The following DPP10 variants were observed in gnomAD, a reference collection of about 807,000 sequenced individuals.
DPP10 encodes dipeptidyl peptidase like 10.
In DPP10, 33 loss-of-function variants were observed where a neutral mutation model predicts 120.9. The ratio of observed to expected loss-of-function variants is 0.27; its 90% CI spans 0.21 to 0.37. DPP10 has a LOEUF of 0.37. Ranked by LOEUF, DPP10 falls within the 10% of genes least tolerant of loss-of-function variation. The pLI, the probability that DPP10 is intolerant of heterozygous loss-of-function variation, is 1.00. For synonymous variants in DPP10, 337 were observed against 326.1 expected (o/e 1.03, Z -0.36); for missense variants, 816 against 942.8 (o/e 0.87, Z 1.76).
intron 1 of DPP10, among the ~76,000 whole-genome samples, chr2:115,053,680 T>C (rs1195316291): frequency 6.6e-6 from 1 of 152,240 alleles, no homozygotes; most frequent in Non-Finnish European, 1.5e-5. Flanking sequence ...TACATACTAA[T>C]ATGGAAAACA....
intron 1 of DPP10, among the ~76,000 whole-genome samples, chr2:114,674,283 C>T (rs1211203111): frequency 1.3e-5 from 2 of 151,730 alleles, no homozygotes; most frequent in African/African-American, 2.4e-5. Flanking sequence ...ATCATTATAA[C>T]GTAAGTATTC....
At chr2:115,519,054 G>A (rs1232289676) in intron 4 of DPP10, among the ~76,000 whole-genome samples, 1 of 152,030 alleles carries the variant, frequency 6.6e-6, no homozygotes, top group Non-Finnish European at 1.5e-5. Context: ...TCTTTCATCA[G>A]CCCATAACTT....
chr2:115,607,778 G>A (rs2083797135), intron 5 of DPP10, among the ~76,000 whole-genome samples: 1 of 151,988 alleles, frequency 6.6e-6, no homozygotes, highest in South Asian at 2.1e-4. Flanking sequence ...TAGTATATGA[G>A]GAAAATTTGG....
chr2:115,079,753 G>A (rs1208367228), intron 1 of DPP10, among the ~76,000 whole-genome samples: 7 of 152,146 alleles, frequency 4.6e-5, no homozygotes, highest in South Asian at 2.1e-4. Flanking sequence ...GTACTAAATC[G>A]CAAAGGCCTC....
At chr2:115,270,111 CACAG>C (rs1225480271) in intron 1 of DPP10, among the ~76,000 whole-genome samples, 22 of 136,850 alleles carry the variant, frequency 1.6e-4, no homozygotes, top group Non-Finnish European at 9.4e-5. Context: ...CACACACACA[CACAG>C]ACACACACAC....
intron 1 of DPP10, among the ~76,000 whole-genome samples, chr2:114,615,521 G>A (rs1374324802): frequency 6.6e-6 from 1 of 152,126 alleles, no homozygotes; most frequent in African/African-American, 2.4e-5. Context: ...AATAGTCAAA[G>A]TATTCAGTGG....
intron 1 of DPP10, among the ~76,000 whole-genome samples, chr2:114,739,337 C>T (rs181105477): frequency 9.9e-5 from 15 of 152,128 alleles, no homozygotes; most frequent in East Asian, 5.8e-4. Context: ...GTATGAATGA[C>T]GACTGAAAGC....
intron 1 of DPP10, among the ~76,000 whole-genome samples, chr2:114,943,393 C>A (rs1225660568): frequency 6.6e-6 from 1 of 152,166 alleles, no homozygotes; most frequent in African/African-American, 2.4e-5. Flanking sequence ...CCTGCATCAG[C>A]CTCCTGAGTA....
rs116599077 is a variant in DPP10, at chr2:114,933,103, T to G, written c.61-376136T>G. The stretch of plus-strand genomic sequence containing the variant: ...CTCTTTTTTTAAAAAAAACTTACAC[T>G]ATGAACAAAGCACTATGTTAGCCAT... On this transcript the variant is annotated intron_variant, in intron 1 of 25. Transcript: ENST00000410059. 8.5e-3 allele frequency among the ~76,000 whole-genome samples: 1,295 copies of G among 152,278 alleles called. 6 individuals are homozygous for G. The highest frequency in any genetic ancestry group is 0.031 in the Middle Eastern group (9 of 294).
chr2:114,914,222 G>T (rs1042280289), intron 1 of DPP10, among the ~76,000 whole-genome samples: 33 of 152,108 alleles, frequency 2.2e-4, no homozygotes, highest in African/African-American at 7.7e-4. Flanking sequence ...TAAATGAGAT[G>T]CTATACAATA....
At chr2:115,282,088 TAAG>T (rs1483295302) in intron 1 of DPP10, among the ~76,000 whole-genome samples, 1 of 152,072 alleles carries the variant, frequency 6.6e-6, no homozygotes, top group African/African-American at 2.4e-5. Context: ...TTTCTCACGC[TAAG>T]AAGTACGTAG....
At chr2:115,197,248 C>T (rs376853733) in intron 1 of DPP10, among the ~76,000 whole-genome samples, 29 of 152,004 alleles carry the variant, frequency 1.9e-4, no homozygotes, top group African/African-American at 4.6e-4. Flanking sequence ...AAAAATTAGC[C>T]GGGCGTGGTG....
At chr2:114,928,382 G>A (rs1451784674) in intron 1 of DPP10, among the ~76,000 whole-genome samples, 1 of 152,158 alleles carries the variant, frequency 6.6e-6, no homozygotes, top group Non-Finnish European at 1.5e-5. Flanking sequence ...GGGATAACAG[G>A]CCCCACACAA....
At chr2:114,566,882 C>T (rs1373612132) in intron 1 of DPP10, among the ~76,000 whole-genome samples, 3 of 152,218 alleles carry the variant, frequency 2.0e-5, no homozygotes, top group Non-Finnish European at 2.9e-5. Context: ...TAAGATCCCT[C>T]CAACCTCTTA....
At chr2:115,495,365 G>GGAA (rs10649835) in intron 3 of DPP10, among the ~76,000 whole-genome samples, 5 of 82,240 alleles carry the variant, frequency 6.1e-5, no homozygotes, top group South Asian at 6.0e-4. Flanking sequence ...GCCATTTTCT[G>GGAA]AAAAAAAAAA....
chr2:114,693,388 G>T (rs2105780123), intron 1 of DPP10, among the ~76,000 whole-genome samples: 1 of 151,964 alleles, frequency 6.6e-6, no homozygotes, highest in African/African-American at 2.4e-5. Flanking sequence ...TTTTCTTCAA[G>T]AACGTTGAAT....
intron 3 of DPP10, among the ~76,000 whole-genome samples, chr2:115,441,730 A>G (rs1305193241): frequency 2.0e-5 from 3 of 150,722 alleles, no homozygotes; most frequent in Non-Finnish European, 4.4e-5. Flanking sequence ...AGACCTAGTT[A>G]TTTGATTCAT....
chr2:114,924,993 C>CCT (rs375944633), intron 1 of DPP10, among the ~76,000 whole-genome samples: 2,513 of 152,132 alleles, frequency 0.017, 80 homozygotes, highest in African/African-American at 0.057. Context: ...GGGCTAATCA[C>CCT]GAGGTCAGGA....
At chr2:115,587,859 G>A (rs2082389772) in intron 5 of DPP10, among the ~76,000 whole-genome samples, 1 of 151,952 alleles carries the variant, frequency 6.6e-6, no homozygotes, top group African/African-American at 2.4e-5. Context: ...TTAAATATTA[G>A]GCATACTAAG....
Sources: allele counts gnomAD v4.1 joint callset (sites outside exome capture counted in the v4.1 genomes callset), GRCh38; gene constraint gnomAD v4.1.1; transcripts MANE v1.5; gene names NCBI Gene and HGNC (gene_info 2026-07-23, HGNC 2026-07-21).